The following GOLIM4 variants were observed in gnomAD, a reference collection of about 807,000 sequenced individuals.
GOLIM4 encodes the protein golgi integral membrane protein 4.
In GOLIM4, 71 loss-of-function variants were observed where a neutral mutation model predicts 107.4. The ratio of observed to expected loss-of-function variants is 0.66; its 90% CI spans 0.55 to 0.81. The LOEUF is 0.81. Among genes scored for constraint, GOLIM4 ranks in the 30% least tolerant of loss-of-function variants. GOLIM4 has a pLI of 0.00. For missense variants in GOLIM4, 830 were observed against 826.1 expected (o/e 1.00, Z -0.06); for synonymous variants, 327 against 294.8 (o/e 1.11, Z -1.12).
Position 168,010,196 on chromosome 3 carries a change from C to G in GOLIM4, c.*73G>C, listed in dbSNP as rs887741034. On this transcript the variant is annotated 3_prime_UTR_variant, in exon 16 of 16. Coordinates refer to ENST00000470487, the MANE Select transcript of GOLIM4 (RefSeq NM_014498.5). Reference sequence around the variant, plus strand: ...TTTTGTAATTAAATATCCTAGAGTTCAGTAGGCAGATTTATGTTTGAGCAG... The same window carrying G: ...TTTTGTAATTAAATATCCTAGAGTTGAGTAGGCAGATTTATGTTTGAGCAG... 13 of 1,353,768 alleles carry G rather than the reference C, an allele frequency of 9.6e-6. No homozygotes were observed. The African/African-American group carries it at 1.9e-4, about 20-fold the overall frequency. The allele number at this position is 1,353,768 out of a possible 1,614,324, so 83.9% of individuals were successfully genotyped here.
chr3:168,059,781 G>A (rs1277465051), intron 1 of GOLIM4, among the ~76,000 whole-genome samples: 1 of 152,196 alleles, frequency 6.6e-6, no homozygotes, highest in Non-Finnish European at 1.5e-5. Context: ...TTAAAATAGA[G>A]TGATGAGGGC....
In GOLIM4 at chr3:168,029,223, C is replaced by G. The variant is rs769342876; in HGVS notation, c.1513G>C (p.Ala505Pro). Residue 505 changes from alanine to proline, a missense_variant and splice_region_variant, in exon 11 of 16, where the codon GCC becomes CCC. Ala to Pro is a conservative substitution (Grantham distance 27). Transcript: ENST00000470487. ...EDQGIQGEEGAYERDNQHQDE... is the reference protein window; with the variant it reads ...EDQGIQGEEGPYERDNQHQDE... ...TTCATCATCTAGGAAGTCTCACCAC[C>G]TCCTTCCTCTCCTTGGATTCCCTGG... 4.4e-6 allele frequency: 7 copies of G among 1,573,456 alleles called. 1 individual carries two copies. In the South Asian group the frequency reaches 7.8e-5, roughly 18 times the overall value.
intron 1 of GOLIM4, among the ~76,000 whole-genome samples, chr3:168,055,605 T>C (rs772808529): frequency 7.2e-5 from 11 of 152,042 alleles, no homozygotes; most frequent in Non-Finnish European, 7.4e-5. Context: ...AAGACCATCC[T>C]GGCTAACATG....
chr3:168,064,638 C>T (rs1720448389), intron 1 of GOLIM4, among the ~76,000 whole-genome samples: 1 of 148,784 alleles, frequency 6.7e-6, no homozygotes, highest in South Asian at 2.1e-4. Context: ...GGTCTCGCTA[C>T]GTTGCCCAGG....
intron 14 of GOLIM4, 91 bp from the exon 15 acceptor site, chr3:168,010,914 C>G: frequency 3.4e-6 from 3 of 884,714 alleles, no homozygotes; most frequent in South Asian, 1.4e-5. Flanking sequence ...TAAAGACTTG[C>G]AATAATATAT....
Position 168,067,226 on chromosome 3 carries a change from G to T in GOLIM4, c.188-18861C>A, listed in dbSNP as rs74789269. On this transcript the variant is annotated intron_variant, in intron 1 of 15. Transcript: ENST00000470487. ...GTGACTACTTTATTAGTTATTCAAT[G>T]ATGGAATAAAAACTACCATACTTAC... Among the ~76,000 whole-genome samples the T allele has an allele frequency of 2.2e-4, 33 of 152,026 alleles. No individual in the cohort carries two copies. The East Asian group carries it at 5.6e-3, about 26-fold the overall frequency.
intron 6 of GOLIM4, 85 bp downstream of exon 6, chr3:168,041,307 G>T (rs1718985427): frequency 2.6e-6 from 2 of 767,586 alleles, no homozygotes; most frequent in African/African-American, 1.7e-5. Context: ...TGTAAAGCAG[G>T]CCAATTAGGG....
At chr3:168,052,607 C>T (rs916555882) in intron 1 of GOLIM4, among the ~76,000 whole-genome samples, 2 of 152,074 alleles carry the variant, frequency 1.3e-5, no homozygotes, top group African/African-American at 2.4e-5. Context: ...TGTGCTTGTA[C>T]CTCTTTTAGA....
Position 168,095,340 on chromosome 3 carries a change from C to T in GOLIM4, c.-55G>A. On this transcript the variant is annotated 5_prime_UTR_variant, in exon 1 of 16. Transcript: ENST00000470487. ...CCCCCGCCGTCTCCTCCCCTTGGTCCGAGCGAGCGTCTCAGCAGCGGCCGC... is the reference window on the plus strand; with the variant it reads ...CCCCCGCCGTCTCCTCCCCTTGGTCTGAGCGAGCGTCTCAGCAGCGGCCGC... The T allele has an allele frequency of 3.9e-6, 6 of 1,520,846 alleles. No homozygotes were observed. The highest frequency in any genetic ancestry group is 5.4e-6 in the Non-Finnish European group (6 of 1,112,020). The allele number at this position is 1,520,846 out of a possible 1,614,324, so 94.2% of individuals were successfully genotyped here. A position where few individuals can be genotyped will look rare whatever the true frequency, so the allele number is the denominator to read the frequency against.
chr3:168,067,699 A>G (rs1313505074), intron 1 of GOLIM4, among the ~76,000 whole-genome samples: 1 of 150,634 alleles, frequency 6.6e-6, no homozygotes, highest in East Asian at 1.9e-4. Context: ...GGAAATATAA[A>G]TGAATGAATG....
intron 4 of GOLIM4, 58 bp from the exon 5 acceptor site, chr3:168,043,587 T>C (rs1719144227): frequency 7.3e-7 from 1 of 1,367,346 alleles, no homozygotes; most frequent in East Asian, 2.4e-5. Context: ...TGAGAGTCTA[T>C]TTCTTGACAG....
At chr3:168,087,127 G>GT (rs1190003879) in intron 1 of GOLIM4, among the ~76,000 whole-genome samples, 1 of 151,964 alleles carries the variant, frequency 6.6e-6, no homozygotes, top group Non-Finnish European at 1.5e-5. Context: ...AACCTGTACA[G>GT]TTTTTTTGAA....
At chr3:168,059,997 A>G (rs1720173000) in intron 1 of GOLIM4, among the ~76,000 whole-genome samples, 1 of 152,216 alleles carries the variant, frequency 6.6e-6, no homozygotes, top group Non-Finnish European at 1.5e-5. Context: ...GTGAGCCCGG[A>G]AAGTCAAAGC....
intron 1 of GOLIM4, among the ~76,000 whole-genome samples, chr3:168,051,706 C>G (rs1577542040): frequency 6.6e-6 from 1 of 152,282 alleles, no homozygotes; most frequent in Non-Finnish European, 1.5e-5. Context: ...CAGAACTGGA[C>G]AAGCCGTCGT....
intron 2 of GOLIM4, 93 bp downstream of exon 2, chr3:168,048,198 G>A (rs754217062): frequency 2.4e-5 from 17 of 699,748 alleles, no homozygotes; most frequent in African/African-American, 1.6e-4. Context: ...ATTTGAGAAC[G>A]ATCTTAGCCA....
chr3:168,075,662 G>A (rs1721051365), intron 1 of GOLIM4, among the ~76,000 whole-genome samples: 1 of 152,088 alleles, frequency 6.6e-6, no homozygotes, highest in Non-Finnish European at 1.5e-5. Context: ...AATATTCTGA[G>A]CAAGCCCTGT....
intron 1 of GOLIM4, among the ~76,000 whole-genome samples, chr3:168,079,739 G>C (rs1359078934): frequency 6.6e-6 from 1 of 151,882 alleles, no homozygotes; most frequent in Non-Finnish European, 1.5e-5. Context: ...TAAAATATAA[G>C]AACTCAATAT....
chr3:168,080,738 G>A (rs992228931), intron 1 of GOLIM4, among the ~76,000 whole-genome samples: 1 of 152,138 alleles, frequency 6.6e-6, no homozygotes, highest in Non-Finnish European at 1.5e-5. Flanking sequence ...AGAAATGCAG[G>A]TCCAGTGTTG....
intron 1 of GOLIM4, among the ~76,000 whole-genome samples, chr3:168,072,289 T>C (rs183437550): frequency 8.6e-4 from 131 of 151,812 alleles, no homozygotes; most frequent in African/African-American, 3.0e-3. Context: ...GGTGAATGAC[T>C]GGGGAAGGAA....
Sources: allele counts gnomAD v4.1 joint callset (sites outside exome capture counted in the v4.1 genomes callset), GRCh38; gene constraint gnomAD v4.1.1; transcripts MANE v1.5; gene names NCBI Gene and HGNC (gene_info 2026-07-23, HGNC 2026-07-21).